ATRNL1: variants seen among roughly 807,000 people sequenced by gnomAD.
The protein encoded by ATRNL1 is attractin-like protein 1.
A neutral mutation model predicts 182.7 loss-of-function variants in ATRNL1; 95 were observed. The observed-to-expected ratio is 0.52, with a 90% confidence interval of 0.44 to 0.62. The LOEUF is 0.62. ATRNL1 is among the 20% of genes least tolerant of loss of function. The pLI is 0.00. For synonymous variants in ATRNL1, 576 were observed against 568.3 expected, an observed-to-expected ratio of 1.01 and a Z score of -0.19; for missense variants, 1,471 against 1,679.5, an observed-to-expected ratio of 0.88 and a Z score of 2.17.
intron 19 of ATRNL1, among the ~76,000 whole-genome samples, chr10:115,361,598 C>G (rs1366940476): frequency 6.6e-6 from 1 of 152,044 alleles, no homozygotes; most frequent in African/African-American, 2.4e-5. Flanking sequence ...CTTCCTTCTT[C>G]ACAATCCTTT....
Position 115,124,409 on chromosome 10 carries a change from A to G in ATRNL1, c.491+2597A>G, listed in dbSNP as rs77222912. Reference sequence around the variant, plus strand: ...ATAGAGTGAGGTCTGGGAGGATCATAAATGCAAAGCTTCTGGGTCCTCAGA... The same window carrying G: ...ATAGAGTGAGGTCTGGGAGGATCATGAATGCAAAGCTTCTGGGTCCTCAGA... On this transcript the variant is annotated intron_variant, in intron 3 of 28. Transcript: ENST00000355044. Among the ~76,000 whole-genome samples, 810 of 152,302 alleles carry G rather than the reference A, an allele frequency of 5.3e-3. 9 individuals are homozygous for G. The highest frequency in any genetic ancestry group is 0.024 in the Middle Eastern group (7 of 294).
intron 28 of ATRNL1, among the ~76,000 whole-genome samples, chr10:115,916,072 A>G (rs1358865768): frequency 6.6e-6 from 1 of 152,204 alleles, no homozygotes; most frequent in Non-Finnish European, 1.5e-5. Context: ...GTATAGTTTT[A>G]AAGTATTTGC....
intron 19 of ATRNL1, among the ~76,000 whole-genome samples, chr10:115,355,880 C>A (rs925678964): frequency 6.6e-6 from 1 of 151,584 alleles, no homozygotes; most frequent in Non-Finnish European, 1.5e-5. Flanking sequence ...TTCTTAATTT[C>A]TCTCTATATT....
intron 17 of ATRNL1, among the ~76,000 whole-genome samples, chr10:115,313,028 T>C (rs1427263378): frequency 6.6e-6 from 1 of 151,948 alleles, no homozygotes; most frequent in East Asian, 1.9e-4. Flanking sequence ...TTTATTTATA[T>C]CCTGAATTGT....
intron 27 of ATRNL1, among the ~76,000 whole-genome samples, chr10:115,741,102 A>G (rs1340377427): frequency 6.6e-6 from 1 of 152,214 alleles, no homozygotes. Flanking sequence ...TACAGGAGGT[A>G]GATATGGAAA....
In ATRNL1 at chr10:115,443,938, G is replaced by A. The variant is rs118183924; in HGVS notation, c.3322+17636G>A. On this transcript the variant is annotated intron_variant, in intron 21 of 28. Transcript: ENST00000355044. ...TATTTGAGTGTATGCAACTAATAAA[G>A]TAGACTTAATATGTGGAGCAAAAAT... is the stretch of plus-strand genomic sequence containing the variant. Among the ~76,000 whole-genome samples the A allele has an allele frequency of 2.6e-3, 397 of 152,054 alleles. 1 individual carries two copies. Among genetic ancestry groups the A allele is most frequent in the Non-Finnish European group, 4.3e-3 (289 of 67,938 alleles).
intron 28 of ATRNL1, among the ~76,000 whole-genome samples, chr10:115,929,212 T>C (rs1231541106): frequency 6.6e-6 from 1 of 151,786 alleles, no homozygotes; most frequent in African/African-American, 2.4e-5. Flanking sequence ...AGATGCTATG[T>C]TTGATTACAC....
chr10:115,122,187 G>T (rs1472417385), intron 3 of ATRNL1, among the ~76,000 whole-genome samples: 2 of 151,618 alleles, frequency 1.3e-5, no homozygotes, highest in Admixed American at 1.3e-4. Context: ...TTATTTTAGT[G>T]AAATGGTAAA....
intron 20 of ATRNL1, among the ~76,000 whole-genome samples, chr10:115,425,760 A>G (rs1845856167): frequency 6.6e-6 from 1 of 152,104 alleles, no homozygotes; most frequent in African/African-American, 2.4e-5. Flanking sequence ...TTTTAAAAAT[A>G]CAGATTAATT....
intron 27 of ATRNL1, among the ~76,000 whole-genome samples, chr10:115,828,517 T>C (rs1274833920): frequency 1.3e-5 from 2 of 152,158 alleles, no homozygotes; most frequent in African/African-American, 4.8e-5. Flanking sequence ...AAGGTTTAAA[T>C]AGACAGGTAG....
chr10:115,921,164 A>T (rs1589697350), intron 28 of ATRNL1, among the ~76,000 whole-genome samples: 1 of 152,328 alleles, frequency 6.6e-6, no homozygotes, highest in East Asian at 1.9e-4. Flanking sequence ...TTTAATCAAA[A>T]ATGTCAAATA....
intron 27 of ATRNL1, among the ~76,000 whole-genome samples, chr10:115,756,407 T>C (rs1948591909): frequency 6.6e-6 from 1 of 152,216 alleles, no homozygotes; most frequent in South Asian, 2.1e-4. Context: ...ATTTCTGCCT[T>C]AATTTCATTA....
chr10:115,844,543 A>G (rs1293053233), intron 27 of ATRNL1, among the ~76,000 whole-genome samples: 1 of 152,076 alleles, frequency 6.6e-6, no homozygotes, highest in Non-Finnish European at 1.5e-5. Flanking sequence ...TAGCTGAAAA[A>G]TAGAAAGCAT....
At chr10:115,543,299 C>G (rs1852464812) in intron 25 of ATRNL1, among the ~76,000 whole-genome samples, 1 of 152,146 alleles carries the variant, frequency 6.6e-6, no homozygotes, top group Non-Finnish European at 1.5e-5. Context: ...ATGACTTGAA[C>G]ATATAAGCAA....
intron 27 of ATRNL1, among the ~76,000 whole-genome samples, chr10:115,789,788 G>T (rs1326350409): frequency 6.6e-6 from 1 of 152,162 alleles, no homozygotes; most frequent in African/African-American, 2.4e-5. Context: ...GGAAAATTTT[G>T]CCTCGAAGTA....
chr10:115,786,838 C>T (rs1949408029), intron 27 of ATRNL1, among the ~76,000 whole-genome samples: 1 of 152,070 alleles, frequency 6.6e-6, no homozygotes, highest in Non-Finnish European at 1.5e-5. Context: ...TATTTCTTTT[C>T]AAAATGTGTT....
At chr10:115,157,794 A>G (rs1846593776) in intron 5 of ATRNL1, among the ~76,000 whole-genome samples, 1 of 152,084 alleles carries the variant, frequency 6.6e-6, no homozygotes, top group Non-Finnish European at 1.5e-5. Context: ...GGTGGTTAAG[A>G]CCTGGATACC....
chr10:115,902,603 C>G (rs954474000), intron 28 of ATRNL1, among the ~76,000 whole-genome samples: 1 of 152,242 alleles, frequency 6.6e-6, no homozygotes, highest in African/African-American at 2.4e-5. Flanking sequence ...AATGTCCCCA[C>G]GTTTTTGATG....
intron 24 of ATRNL1, among the ~76,000 whole-genome samples, chr10:115,493,403 A>G (rs185029698): frequency 1.5e-4 from 23 of 152,284 alleles, no homozygotes; most frequent in African/African-American, 5.5e-4. Context: ...CGCTTAGGAT[A>G]TTGACCTTCA....
Sources: allele counts gnomAD v4.1 joint callset (sites outside exome capture counted in the v4.1 genomes callset), GRCh38; gene constraint gnomAD v4.1.1; transcripts MANE v1.5; gene names NCBI Gene and HGNC (gene_info 2026-07-23, HGNC 2026-07-21).